The following LTBP4 variants were observed in gnomAD, a reference collection of about 807,000 sequenced individuals.
LTBP4 encodes latent transforming growth factor beta binding protein 4.
A neutral mutation model predicts 180.2 loss-of-function variants in LTBP4; 93 were observed. The observed-to-expected ratio is 0.52, with a 90% CI of 0.44 to 0.61. LTBP4 has a LOEUF of 0.61. Ranked by LOEUF, LTBP4 falls within the 20% of genes least tolerant of loss-of-function variation. The probability of loss-of-function intolerance (pLI) is 0.00; values close to 1 mark genes in which losing one functional copy is unlikely to be tolerated. For missense variants in LTBP4, 2,116 were observed against 2,256.5 expected (o/e 0.94, Z 1.26); for synonymous variants, 947 against 934.5 (o/e 1.01, Z -0.24).
intron 1 of LTBP4, among the ~76,000 whole-genome samples, chr19:40,604,340 C>A (rs971069312): frequency 5.3e-5 from 8 of 151,844 alleles, no homozygotes; most frequent in Non-Finnish European, 5.9e-5. Flanking sequence ...GCATAGAATG[C>A]GAAGGAGACA....
chr19:40,597,357 G>A (rs1480316846), upstream of LTBP4: 6 of 1,519,560 alleles, frequency 3.9e-6, no homozygotes, highest in Non-Finnish European at 5.3e-6. Context: ...TCGAGGTCCC[G>A]GGGGTCCCCA....
chr19:40,622,920 G>A lies in LTBP4; in HGVS notation c.3485-30G>A. 4 of 1,608,750 alleles carry A rather than the reference G, an allele frequency of 2.5e-6. No homozygotes were observed. The highest frequency in any genetic ancestry group is 3.4e-6 in the Non-Finnish European group (4 of 1,176,780). On this transcript the variant is annotated intron_variant, in intron 23 of 29. Coordinates refer to ENST00000396819, the MANE Select transcript of LTBP4 (RefSeq NM_001042545.2). This position sits in a 1 kb window ranked among gnomAD's most constrained non-coding sequence, Gnocchi z 5.1. ...TCAGGGCTGGGGCTGGGGCTCTGGTGTCCTGGCTCAGGCTTGTCTCTGTGT... is the reference window on the plus strand; with the variant it reads ...TCAGGGCTGGGGCTGGGGCTCTGGTATCCTGGCTCAGGCTTGTCTCTGTGT...
Position 40,609,125 on chromosome 19 carries a change from T to G in LTBP4, c.1427-405T>G, listed in dbSNP as rs2081486131. On this transcript the variant is annotated intron_variant, in intron 9 of 29. Transcript: ENST00000396819. The surrounding 1 kb of genome is among the most constrained non-coding windows in gnomAD (Gnocchi z 4.9). ...AAGCCATTTAACCTCTGAGACTCAG[T>G]TTTCTCATTGGTAAAATGGGGATGG... Among the ~76,000 whole-genome samples, 1 of 152,084 alleles carries G rather than the reference T, an allele frequency of 6.6e-6. No individual in the cohort carries two copies. The highest frequency in any genetic ancestry group is 6.5e-5 in the Admixed American group (1 of 15,268).
In LTBP4 at chr19:40,601,576, C is replaced by A. The variant is rs1171301888; in HGVS notation, c.189C>A (p.Ala63=). The A allele has an allele frequency of 1.4e-6, 2 of 1,466,904 alleles. No individual in the cohort carries two copies. The highest frequency in any genetic ancestry group is 2.6e-5 in the South Asian group (2 of 76,148). 90.9% of individuals were successfully genotyped at this position (1,466,904 alleles called of 1,614,324 possible). The change falls in exon 1 of 30, where the codon GCC becomes GCA. Residue 63 remains alanine, a synonymous_variant. Coordinates refer to ENST00000396819, the MANE Select transcript of LTBP4 (RefSeq NM_001042545.2). ...RCTPTCAPRN[A]TSVDSGAPGG... The stretch of plus-strand genomic sequence containing the variant: ...CCCCGACCTGCGCGCCCCGCAACGC[C>A]ACCAGCGTGGACAGCGGCGCTCCCG...
intron 7 of LTBP4, 93 bp downstream of exon 7, chr19:40,607,622 C>A: frequency 7.2e-7 from 1 of 1,391,646 alleles, no homozygotes; most frequent in African/African-American, 1.4e-5. Flanking sequence ...CTGCCCCAAC[C>A]TGACTGGCTG....
At chr19:40,607,263 C>T in intron 6 of LTBP4, 102 bp from the exon 7 acceptor site, 1 of 510,536 alleles carries the variant, frequency 2.0e-6, no homozygotes. Context: ...ACCCACCAAC[C>T]CCCCACCCCC....
Position 40,611,340 on chromosome 19 carries a change from C to A in LTBP4, c.1999C>A (p.His667Asn). The change falls in exon 13 of 30, where the codon CAC becomes AAC. Residue 667 changes from histidine to asparagine, a missense_variant. This residue lies in a region of LTBP4 where 877 missense variants were observed against 873.6 expected (regional missense o/e 1.00). Transcript: ENST00000396819. This position sits in a 1 kb window ranked among gnomAD's most constrained non-coding sequence, Gnocchi z 4.4. The stretch of plus-strand genomic sequence containing the variant: ...CTGTGACAACACGGCAGGCTCCTTT[C>A]ACTGTGCCTGCCCTGCTGGCTTCCG... ...GRCDNTAGSF[H>N]CACPAGFRSR... 1.9e-6 allele frequency: 3 copies of A among 1,611,478 alleles called. No homozygotes were observed. Among genetic ancestry groups the A allele is most frequent in the Non-Finnish European group, 2.5e-6 (3 of 1,179,532 alleles).
In LTBP4 at chr19:40,623,670, CG is replaced by C; in HGVS notation, c.3626del (p.Gly1209AlafsTer153). ...CKSGVCVNTAPGYSCYCSNGY... is the reference protein window; with the variant it reads ...CKSGVCVNTAXGYSCYCSNGY... Reference sequence around the variant, plus strand: ...AGTGGCGTGTGTGTGAACACGGCCCCGGGCTACTCATGCTATTGCAGCAACG... The same window carrying C: ...AGTGGCGTGTGTGTGAACACGGCCCCGGCTACTCATGCTATTGCAGCAACG... On this transcript the variant is annotated frameshift_variant, in exon 25 of 30. Coordinates refer to ENST00000396819, the MANE Select transcript of LTBP4 (RefSeq NM_001042545.2). LOFTEE classifies it high-confidence loss of function. 6.2e-7 allele frequency: 1 copy of C among 1,613,916 alleles called. No individual in the cohort carries two copies. The highest frequency in any genetic ancestry group is 8.5e-7 in the Non-Finnish European group (1 of 1,179,886).
In LTBP4 at chr19:40,616,869, A is replaced by T; in HGVS notation, c.2813-20A>T. The T allele has an allele frequency of 6.2e-7, 1 of 1,613,202 alleles. No homozygotes were observed. Among genetic ancestry groups the T allele is most frequent in the Non-Finnish European group, 8.5e-7 (1 of 1,179,572 alleles). On this transcript the variant is annotated intron_variant, in intron 19 of 29. Coordinates refer to ENST00000396819, the MANE Select transcript of LTBP4 (RefSeq NM_001042545.2). Reference sequence around the variant, plus strand: ...AATTCAGGCCTTTGACTCCCCTTTCATCTCCTCCACACTCTGCAGATGTGG... The same window carrying T: ...AATTCAGGCCTTTGACTCCCCTTTCTTCTCCTCCACACTCTGCAGATGTGG...
chr19:40,605,703 C>T lies in LTBP4; in HGVS notation c.691-26C>T. The T allele has an allele frequency of 2.6e-6, 4 of 1,547,082 alleles. No homozygotes were observed. Among genetic ancestry groups the T allele is most frequent in the Non-Finnish European group, 3.5e-6 (4 of 1,146,174 alleles). On this transcript the variant is annotated intron_variant, in intron 3 of 29. Coordinates refer to ENST00000396819, the MANE Select transcript of LTBP4 (RefSeq NM_001042545.2). This position sits in a 1 kb window ranked among gnomAD's most constrained non-coding sequence, Gnocchi z 5.5. ...CCCGGAGCTTGCCTCCGCGCGGGGGCGCGCTCACCCAACACTTCCCCGCAG... is the reference window on the plus strand; with the variant it reads ...CCCGGAGCTTGCCTCCGCGCGGGGGTGCGCTCACCCAACACTTCCCCGCAG...
At chr19:40,621,880 T>G (rs985367482) in intron 22 of LTBP4, among the ~76,000 whole-genome samples, 16 of 152,144 alleles carry the variant, frequency 1.1e-4, no homozygotes, top group African/African-American at 3.9e-4. Context: ...CCCAAGTAGC[T>G]GGGATTACAG....
Position 40,614,033 on chromosome 19 carries a change from G to A in LTBP4, c.2675G>A (p.Cys892Tyr), listed in dbSNP as rs1202851031. 1.9e-6 allele frequency: 3 copies of A among 1,612,238 alleles called. No individual in the cohort carries two copies. Among genetic ancestry groups the A allele is most frequent in the African/African-American group, 1.3e-5 (1 of 74,870 alleles). The part of the protein sequence containing the change: ...GHRAGPDLAS[C>Y]LDVDECRERG... ...CGCGCTGGCCCGGACCTCGCCTCCT[G>A]CCTCGGTGAGAGGCCCCGCCCCGGC... Residue 892 changes from cysteine to tyrosine, a missense_variant, in exon 18 of 30, where the codon TGC becomes TAC. Transcript: ENST00000396819.
At chr19:40,610,062 T>G in intron 11 of LTBP4, 191 bp downstream of exon 11, 7 of 692,084 alleles carry the variant, frequency 1.0e-5, no homozygotes, top group African/African-American at 2.1e-5. Flanking sequence ...ACCCCACCCC[T>G]ACCCAGCTCC....
At chr19:40,600,856 G>T (rs1197441340), upstream of LTBP4, among the ~76,000 whole-genome samples, 1 of 152,018 alleles carries the variant, frequency 6.6e-6, no homozygotes, top group Admixed American at 6.5e-5. This position sits in a 1 kb window ranked among gnomAD's most constrained non-coding sequence, Gnocchi z 4.4. Context: ...TCCTGCCCAG[G>T]ATCTAGACGC....
intron 1 of LTBP4, among the ~76,000 whole-genome samples, chr19:40,604,177 A>G (rs2081442549): frequency 2.0e-5 from 3 of 151,950 alleles, no homozygotes; most frequent in African/African-American, 7.3e-5. Context: ...GCGGAAAGGA[A>G]GGTGGGAGGG....
intron 18 of LTBP4, 97 bp from the exon 19 acceptor site, chr19:40,614,218 T>C (rs1599869402): frequency 2.0e-6 from 3 of 1,499,752 alleles, no homozygotes; most frequent in Non-Finnish European, 2.7e-6. Context: ...CTCCTCTGCT[T>C]CCCCGGCCTC....
In LTBP4 at chr19:40,622,686, G is replaced by A; in HGVS notation, c.3484+19G>A. 6.3e-7 allele frequency: 1 copy of A among 1,589,794 alleles called. No homozygotes were observed. The highest frequency in any genetic ancestry group is 8.6e-7 in the Non-Finnish European group (1 of 1,168,484). On this transcript the variant is annotated intron_variant, in intron 23 of 29. Transcript: ENST00000396819. This position sits in a 1 kb window ranked among gnomAD's most constrained non-coding sequence, Gnocchi z 5.1. ...GAGACAGGTGGGCATGGGCTGATGG[G>A]GACACAGGGCTGAGGGCTTGGGTGG...
chr19:40,598,854 G>C (rs964550291), upstream of LTBP4, among the ~76,000 whole-genome samples: 11 of 152,184 alleles, frequency 7.2e-5, no homozygotes, highest in Admixed American at 6.5e-4. Flanking sequence ...CAGACAGTGC[G>C]GGCTTAGAAA....
At position 40,606,279 on chromosome 19, in the gene LTBP4, C is replaced by G. The variant is rs753854592; in HGVS notation, c.840C>G (p.Gly280=). The G allele has an allele frequency of 1.7e-5, 27 of 1,601,290 alleles. No homozygotes were observed. Among genetic ancestry groups the G allele is most frequent in the African/African-American group, 5.4e-5 (4 of 74,732 alleles). Residue 280 remains glycine, a synonymous_variant, in exon 5 of 30, where the codon GGC becomes GGG. Coordinates refer to ENST00000396819, the MANE Select transcript of LTBP4 (RefSeq NM_001042545.2). ...CCCCAGATGGACCTTGTCCAACCGG[C>G]TTTGAAAGAGTTAATGGGTCCTGCG... ...VSAPDGPCPT[G]FERVNGSCED...
Sources: allele counts gnomAD v4.1 joint callset (sites outside exome capture counted in the v4.1 genomes callset), GRCh38; gene constraint gnomAD v4.1.1; regional missense constraint gnomAD v4.1.1; non-coding constraint Gnocchi (gnomAD v3.1); transcripts MANE v1.5; gene names NCBI Gene and HGNC (gene_info 2026-07-23, HGNC 2026-07-21).